Variants in ACSBG2 observed in about 807,000 individuals in gnomAD.
ACSBG2 encodes the protein acyl-CoA synthetase bubblegum family member 2, also known as long-chain-fatty-acid--CoA ligase ACSBG2.
ACSBG2 carries 62 observed loss-of-function variants against 74.7 expected under a neutral mutation model. The ratio of observed to expected loss-of-function variants is 0.83; its 90% CI spans 0.68 to 1.03. ACSBG2 has a LOEUF of 1.03. Ranked by LOEUF, ACSBG2 falls within the 50% of genes least tolerant of loss-of-function variation. The pLI, the probability that ACSBG2 is intolerant of heterozygous loss-of-function variation, is 0.00. For missense variants in ACSBG2, 730 were observed against 817.6 expected, an observed-to-expected ratio of 0.89 and a Z score of 1.31; for synonymous variants, 309 against 294.1, an observed-to-expected ratio of 1.05 and a Z score of -0.52.
At chr19:6,142,957 C>T (rs1156968269) in intron 2 of ACSBG2, among the ~76,000 whole-genome samples, 1 of 152,054 alleles carries the variant, frequency 6.6e-6, no homozygotes, top group East Asian at 1.9e-4. Context: ...GCACAGTTCA[C>T]ATCTGTAGTT....
At chr19:6,143,483 C>T (rs2088922007) in intron 2 of ACSBG2, among the ~76,000 whole-genome samples, 1 of 152,066 alleles carries the variant, frequency 6.6e-6, no homozygotes, top group African/African-American at 2.4e-5. Flanking sequence ...ATCTCAAGAT[C>T]CTTCACTAAA....
In ACSBG2 at chr19:6,147,507, C is replaced by A. The variant is rs749474710; in HGVS notation, c.129C>A (p.His43Gln). The A allele has an allele frequency of 1.2e-6, 2 of 1,614,062 alleles. No homozygotes were observed. The highest frequency in any genetic ancestry group is 3.3e-5 in the Admixed American group (2 of 59,992). The change falls in exon 3 of 15, where the codon CAC becomes CAA. Residue 43 changes from histidine to glutamine, a missense_variant. Coordinates refer to ENST00000588485, the MANE Select transcript of ACSBG2 (RefSeq NM_030924.5). ...DGEVLLRLSK[H>Q]GPGHETPMTI... ...AAGTCCTTCTGAGGCTATCCAAACACGGACCAGGCCATGAGACCCCGATGA... is the reference window on the plus strand; with the variant it reads ...AAGTCCTTCTGAGGCTATCCAAACAAGGACCAGGCCATGAGACCCCGATGA...
intron 13 of ACSBG2, chr19:6,190,379 C>T (rs1042352597): frequency 1.9e-6 from 1 of 540,014 alleles, no homozygotes; most frequent in Non-Finnish European, 3.4e-6. Context: ...CCTTCCAGCT[C>T]ACAGAATCCT....
intron 7 of ACSBG2, among the ~76,000 whole-genome samples, chr19:6,172,059 T>C (rs1342037244): frequency 6.6e-6 from 1 of 152,158 alleles, no homozygotes; most frequent in Non-Finnish European, 1.5e-5. Context: ...GGTTTTTTCT[T>C]AATATATCTA....
Position 6,185,490 on chromosome 19 carries a change from T to C in ACSBG2, c.1377T>C (p.Asp459=). 6.2e-7 allele frequency: 1 copy of C among 1,614,188 alleles called. No individual in the cohort carries two copies. The highest frequency in any genetic ancestry group is 1.3e-5 in the African/African-American group (1 of 75,042). ...CKNMLFQQNK[D]GIGEICLWGR... ...ATATGCTGTTCCAGCAGAACAAGGA[T>C]GGCATTGGGGAGATCTGCCTCTGGG... Residue 459 remains aspartate (D), a synonymous_variant, in exon 11 of 15, where the codon GAT becomes GAC. Coordinates refer to ENST00000588485, the MANE Select transcript of ACSBG2 (RefSeq NM_030924.5).
At chr19:6,150,094 AAATAAT>A (rs1439891476) in intron 3 of ACSBG2, among the ~76,000 whole-genome samples, 2 of 151,538 alleles carry the variant, frequency 1.3e-5, no homozygotes, top group Non-Finnish European at 2.9e-5. Flanking sequence ...GCGAGACAAA[AAATAAT>A]AATAATAAAA....
chr19:6,178,632 C>T (rs2090155782), intron 8 of ACSBG2, among the ~76,000 whole-genome samples: 1 of 152,188 alleles, frequency 6.6e-6, no homozygotes, highest in South Asian at 2.1e-4. Context: ...GCCTTGGCCT[C>T]CCAAAGTGCT....
chr19:6,145,752 G>A (rs914132758), intron 2 of ACSBG2, among the ~76,000 whole-genome samples: 1 of 152,128 alleles, frequency 6.6e-6, no homozygotes, highest in Non-Finnish European at 1.5e-5. Flanking sequence ...TTTTGAATTG[G>A]TCCCTTTGCT....
At position 6,151,070 on chromosome 19, in the gene ACSBG2, C is replaced by T. The variant is rs566260100; in HGVS notation, c.298-637C>T. Among the ~76,000 whole-genome samples the T allele has an allele frequency of 3.4e-5, 5 of 147,640 alleles. No homozygotes were observed. The Admixed American group carries it at 3.4e-4, about 10-fold the overall frequency. On this transcript the variant is annotated intron_variant, in intron 3 of 14. Transcript: ENST00000588485. ...CGGAGGTTGCAGTGAGCCGAGATCG[C>T]ACTGCTGGACTCCAGCCTTGGCAAC...
chr19:6,153,181 G>A (rs1404868446), intron 4 of ACSBG2, among the ~76,000 whole-genome samples: 1 of 152,168 alleles, frequency 6.6e-6, no homozygotes, highest in African/African-American at 2.4e-5. Flanking sequence ...AGGAGGCCGA[G>A]CCTGCAGTGA....
At chr19:6,190,731 C>CA (rs2090537794) in intron 14 of ACSBG2, 39 bp downstream of exon 14, 4 of 1,401,980 alleles carry the variant, frequency 2.9e-6, no homozygotes, top group Non-Finnish European at 4.0e-6. Flanking sequence ...GCTATGCATT[C>CA]AGAGTCCAAG....
intron 10 of ACSBG2, 44 bp downstream of exon 10, chr19:6,183,316 G>A: frequency 6.4e-7 from 1 of 1,557,744 alleles, no homozygotes; most frequent in East Asian, 2.3e-5. Context: ...CATAACATGG[G>A]GTCAAGAGGG....
At chr19:6,144,000 T>A (rs957667878) in intron 2 of ACSBG2, among the ~76,000 whole-genome samples, 3 of 145,004 alleles carry the variant, frequency 2.1e-5, no homozygotes, top group Admixed American at 1.3e-4. Flanking sequence ...TTAGTTAGTT[T>A]GTTTGTTTGG....
intron 7 of ACSBG2, among the ~76,000 whole-genome samples, chr19:6,176,628 G>A (rs2090095747): frequency 6.6e-6 from 1 of 151,806 alleles, no homozygotes; most frequent in Admixed American, 6.6e-5. Context: ...TAAGGACCTA[G>A]GGCCCCCACT....
At chr19:6,156,818 T>C (rs1406695960) in intron 5 of ACSBG2, among the ~76,000 whole-genome samples, 2 of 150,546 alleles carry the variant, frequency 1.3e-5, no homozygotes, top group Non-Finnish European at 3.0e-5. Flanking sequence ...AGGGTCTCAC[T>C]CTGTCCCCAG....
At chr19:6,166,108 C>T (rs543508841) in intron 7 of ACSBG2, 93 bp downstream of exon 7, 964 of 1,492,734 alleles carry the variant, frequency 6.5e-4, no homozygotes, top group Non-Finnish European at 7.9e-4. Flanking sequence ...GGGTCTAGTA[C>T]GCAGTGTGGC....
intron 2 of ACSBG2, among the ~76,000 whole-genome samples, chr19:6,142,990 C>T (rs1024063748): frequency 3.9e-5 from 6 of 151,926 alleles, no homozygotes; most frequent in Admixed American, 6.6e-5. Context: ...GAAGCTGAGG[C>T]GGGCAGATTG....
intron 8 of ACSBG2, among the ~76,000 whole-genome samples, chr19:6,177,847 A>G (rs1429980986): frequency 6.6e-6 from 1 of 151,444 alleles, no homozygotes; most frequent in African/African-American, 2.4e-5. Context: ...AACCCAAGAC[A>G]AAGATGTACT....
rs371939042 is a variant in ACSBG2, at chr19:6,147,541, G to T, written c.163G>T (p.Glu55Ter). Reference sequence around the variant, plus strand: ...CCATGAGACCCCGATGACCATCCCTGAATTTTTTCGAGAGTCAGTCAACCG... The same window carrying T: ...CCATGAGACCCCGATGACCATCCCTTAATTTTTTCGAGAGTCAGTCAACCG... Reference protein sequence around the residue: ...PGHETPMTIPEFFRESVNRFG... With the variant: ...PGHETPMTIP Residue 55 changes from glutamate (E) to a stop codon, truncating the protein, a stop_gained, in exon 3 of 15, where the codon GAA (glutamate) becomes TAA (stop). Coordinates refer to ENST00000588485, the MANE Select transcript of ACSBG2 (RefSeq NM_030924.5). LOFTEE classifies it high-confidence loss of function. 3.7e-6 allele frequency: 6 copies of T among 1,614,154 alleles called. No homozygotes were observed. Among genetic ancestry groups the T allele is most frequent in the Non-Finnish European group, 5.1e-6 (6 of 1,180,036 alleles).
Sources: allele counts gnomAD v4.1 joint callset (sites outside exome capture counted in the v4.1 genomes callset), GRCh38; gene constraint gnomAD v4.1.1; transcripts MANE v1.5; gene names NCBI Gene and HGNC (gene_info 2026-07-23, HGNC 2026-07-21).